HMGXB4: variants seen among roughly 807,000 people sequenced by gnomAD.
The protein encoded by HMGXB4 is HMG domain-containing protein 4.
Under a neutral mutation model 63.9 loss-of-function variants are expected in HMGXB4, and 27 were observed. The ratio of observed to expected loss-of-function variants is 0.42; its 90% CI spans 0.31 to 0.58. HMGXB4 has a LOEUF of 0.58. Among genes scored for constraint, HMGXB4 ranks in the 20% least tolerant of loss-of-function variants. The pLI, the probability that HMGXB4 is intolerant of heterozygous loss-of-function variation, is 0.13. For missense variants in HMGXB4, 624 were observed against 700.7 expected (o/e 0.89, Z 1.24); for synonymous variants, 264 against 265.3 (o/e 0.99, Z 0.05).
the HMGXB4 span, among the ~76,000 whole-genome samples, chr22:35,248,213 T>C: frequency 7.9e-5 from 12 of 152,208 alleles, no homozygotes; most frequent in East Asian, 2.1e-3. Context: ...AGTTCTTTCA[T>C]TGCTACAAAG....
At chr22:35,268,589 A>G (rs1402430878) in intron 5 of HMGXB4, among the ~76,000 whole-genome samples, 1 of 152,172 alleles carries the variant, frequency 6.6e-6, no homozygotes, top group Admixed American at 6.5e-5. Context: ...GGTAGACTCT[A>G]AGCTCCAAGA....
rs144948164 is a variant in HMGXB4, at chr22:35,279,699, T to TTG, written c.1216-4263_1216-4262insTG. On this transcript the variant is annotated intron_variant, in intron 5 of 10. Transcript: ENST00000216106. Reference sequence around the variant, plus strand: ...TTCCTTTTTTTTTTTTTTTTTTTTTTGGCATGTGGATATCCAATTGTCCCA... The same window carrying TTG: ...TTCCTTTTTTTTTTTTTTTTTTTTTTTGGGCATGTGGATATCCAATTGTCCCA... Among the ~76,000 whole-genome samples, 248 of 108,236 alleles carry TTG rather than the reference T, an allele frequency of 2.3e-3. 16 individuals are homozygous for TTG. Among genetic ancestry groups the TTG allele is most frequent in the Middle Eastern group, 0.013 (2 of 152 alleles). The allele number at this position is 108,236 out of a possible 152,430, so 71.0% of individuals were successfully genotyped here. A position where few individuals can be genotyped will look rare whatever the true frequency, so the allele number is the denominator to read the frequency against.
intron 5 of HMGXB4, among the ~76,000 whole-genome samples, chr22:35,267,386 G>A (rs1237964843): frequency 3.3e-5 from 5 of 152,116 alleles, no homozygotes; most frequent in East Asian, 1.9e-4. Flanking sequence ...GTCTAGTGAC[G>A]TGATAATGCC....
At position 35,263,799 on chromosome 22, in the gene HMGXB4, A is replaced by C; in HGVS notation, c.184A>C (p.Ser62Arg). 6.2e-7 allele frequency: 1 copy of C among 1,607,244 alleles called. No homozygotes were observed. The highest frequency in any genetic ancestry group is 8.5e-7 in the Non-Finnish European group (1 of 1,173,630). Residue 62 changes from serine to arginine, a missense_variant, in exon 4 of 11, where the codon AGT (serine) becomes CGT (arginine). Ser to Arg is a moderately radical substitution (Grantham distance 110). This residue lies in a region of HMGXB4 where 472 missense variants were observed against 470.6 expected (regional missense o/e 1.00). Coordinates refer to ENST00000216106, the MANE Select transcript of HMGXB4 (RefSeq NM_001003681.3). ...RNSSKKKLKD[S>R]ELYFLGTDTH... The stretch of plus-strand genomic sequence containing the variant: ...GTCAATTCTTCTTTAATTATAGGAT[A>C]GTGAACTTTACTTCTTGGGGACGGA...
At chr22:35,242,122 G>T in the HMGXB4 span, among the ~76,000 whole-genome samples, 1 of 152,050 alleles carries the variant, frequency 6.6e-6, no homozygotes, top group Admixed American at 6.5e-5. Flanking sequence ...ATTTTATAGA[G>T]TTTTTAAAAT....
chr22:35,244,900 CCTTA>C, the HMGXB4 span, among the ~76,000 whole-genome samples: 1 of 152,168 alleles, frequency 6.6e-6, no homozygotes, highest in Non-Finnish European at 1.5e-5. Flanking sequence ...ATAAAAATGG[CCTTA>C]CTGAGAACAT....
At chr22:35,250,428 A>G in the HMGXB4 span, among the ~76,000 whole-genome samples, 1 of 152,182 alleles carries the variant, frequency 6.6e-6, no homozygotes, top group Non-Finnish European at 1.5e-5. Flanking sequence ...AGCAGATCTT[A>G]CATGAACTCG....
intron 5 of HMGXB4, among the ~76,000 whole-genome samples, chr22:35,271,236 A>G (rs1047742918): frequency 1.3e-5 from 2 of 152,156 alleles, no homozygotes; most frequent in Non-Finnish European, 2.9e-5. Context: ...CTCAAAAAAA[A>G]TAAATAAAAA....
chr22:35,273,145 A>C (rs1452926347), intron 5 of HMGXB4, among the ~76,000 whole-genome samples: 1 of 152,210 alleles, frequency 6.6e-6, no homozygotes, highest in Non-Finnish European at 1.5e-5. Context: ...CTCTCTGGCA[A>C]ACCTGAGGCT....
upstream of HMGXB4, among the ~76,000 whole-genome samples, chr22:35,253,462 C>T (rs942719545): frequency 3.9e-5 from 6 of 152,202 alleles, no homozygotes; most frequent in Admixed American, 1.3e-4. Flanking sequence ...TATTATTTGT[C>T]TTCCCAGAAT....
At chr22:35,268,422 A>G (rs984722697) in intron 5 of HMGXB4, among the ~76,000 whole-genome samples, 4 of 152,004 alleles carry the variant, frequency 2.6e-5, no homozygotes, top group African/African-American at 7.3e-5. Flanking sequence ...CTTAGGCCTC[A>G]TTCCCTTCTA....
intron 9 of HMGXB4, among the ~76,000 whole-genome samples, chr22:35,288,660 G>A (rs1924739073): frequency 1.3e-5 from 2 of 152,084 alleles, no homozygotes; most frequent in African/African-American, 4.8e-5. Context: ...AAAAGAAATT[G>A]GAGTACCCTG....
At chr22:35,266,422 G>C (rs1923252331) in intron 5 of HMGXB4, among the ~76,000 whole-genome samples, 1 of 152,126 alleles carries the variant, frequency 6.6e-6, no homozygotes, top group South Asian at 2.1e-4. Flanking sequence ...TGTATGCCAA[G>C]CTCAATGCTG....
chr22:35,266,033 C>A (rs937519574), intron 5 of HMGXB4, among the ~76,000 whole-genome samples: 4 of 151,676 alleles, frequency 2.6e-5, no homozygotes, highest in Admixed American at 2.6e-4. Flanking sequence ...AAGTGATCCA[C>A]CCACCTCAGC....
intron 5 of HMGXB4, among the ~76,000 whole-genome samples, chr22:35,275,630 G>C (rs914666764): frequency 1.3e-5 from 2 of 152,158 alleles, no homozygotes; most frequent in African/African-American, 2.4e-5. Flanking sequence ...TGTAATCCCA[G>C]AGTTTTGGGA....
chr22:35,260,855 T>G (rs957246051), intron 1 of HMGXB4, among the ~76,000 whole-genome samples: 6 of 152,278 alleles, frequency 3.9e-5, no homozygotes, highest in Non-Finnish European at 8.8e-5. Flanking sequence ...GTAACTCTTA[T>G]GAAAGTCTCC....
intron 3 of HMGXB4, 22 bp from the exon 4 acceptor site, chr22:35,263,774 G>T: frequency 1.3e-6 from 2 of 1,558,942 alleles, no homozygotes; most frequent in Non-Finnish European, 1.8e-6. Context: ...CTTATTATTG[G>T]TCAATTCTTC....
In HMGXB4 at chr22:35,265,000, C is replaced by T; in HGVS notation, c.612C>T (p.Ser204=). 2 of 1,614,030 alleles carry T rather than the reference C, an allele frequency of 1.2e-6. No homozygotes were observed. Among genetic ancestry groups the T allele is most frequent in the Non-Finnish European group, 1.7e-6 (2 of 1,180,000 alleles). The part of the protein sequence containing the change: ...LILSPKEKGS[S]SVDEESFQYP... Reference sequence around the variant, plus strand: ...TGTCACCAAAGGAGAAGGGAAGCAGCTCTGTTGATGAGGAGTCTTTTCAAT... The same window carrying T: ...TGTCACCAAAGGAGAAGGGAAGCAGTTCTGTTGATGAGGAGTCTTTTCAAT... The change falls in exon 5 of 11, where the codon AGC becomes AGT. Residue 204 remains serine, a synonymous_variant. Coordinates refer to ENST00000216106, the MANE Select transcript of HMGXB4 (RefSeq NM_001003681.3).
At chr22:35,269,317 G>T (rs761116693) in intron 5 of HMGXB4, among the ~76,000 whole-genome samples, 3 of 152,242 alleles carry the variant, frequency 2.0e-5, no homozygotes, top group African/African-American at 7.2e-5. Context: ...GGCAGAGGCT[G>T]CAGTGAGCCG....
Sources: gnomAD v4.1 joint callset for allele counts (sites outside exome capture counted in the v4.1 genomes callset) on GRCh38, gnomAD v4.1.1 for gene constraint, gnomAD v4.1.1 regional missense constraint, MANE v1.5 for transcripts, NCBI Gene and HGNC (gene_info 2026-07-23, HGNC 2026-07-21) for gene names.